The following SH3KBP1 variants were observed in gnomAD, a reference collection of about 807,000 sequenced individuals.
The protein encoded by SH3KBP1 is SH3 domain-containing kinase-binding protein 1.
SH3KBP1 carries 8 observed loss-of-function variants against 50.1 expected under a neutral mutation model. The observed-to-expected ratio is 0.16, with a 90% CI of 0.09 to 0.29. The LOEUF is 0.29. SH3KBP1 is among the 10% of genes least tolerant of loss of function. SH3KBP1 has a pLI of 1.00. For synonymous variants in SH3KBP1, 227 were observed against 218.6 expected (o/e 1.04, Z -0.34); for missense variants, 377 against 535.2 (o/e 0.70, Z 2.92).
intron 1 of SH3KBP1, among the ~76,000 whole-genome samples, chrX:19,874,616 G>A (rs2069184648): frequency 2.0e-5 from 2 of 102,205 alleles, no homozygotes; most frequent in Admixed American, 2.2e-4. Context: ...GGAGGGGTGA[G>A]GAAGAGAGAA....
intron 2 of SH3KBP1, among the ~76,000 whole-genome samples, chrX:19,783,560 C>A (rs1458847488): frequency 9.0e-6 from 1 of 111,313 alleles, no homozygotes; most frequent in Non-Finnish European, 1.9e-5. Flanking sequence ...CTCTCTGTAC[C>A]CTTCCCAACC....
At chrX:19,878,164 T>C (rs1433960934) in intron 1 of SH3KBP1, among the ~76,000 whole-genome samples, 3 of 111,929 alleles carry the variant, frequency 2.7e-5, no homozygotes, top group Non-Finnish European at 5.6e-5. Flanking sequence ...GAAAACCAAG[T>C]GCTCATGATC....
intron 5 of SH3KBP1, among the ~76,000 whole-genome samples, chrX:19,695,355 C>T (rs979712118): frequency 9.0e-6 from 1 of 111,504 alleles, no homozygotes; most frequent in African/African-American, 3.3e-5. Context: ...GCAACATGGG[C>T]CACCCATGAG....
chrX:19,586,348 A>C (rs1182191809), intron 12 of SH3KBP1, among the ~76,000 whole-genome samples: 1 of 112,537 alleles, frequency 8.9e-6, no homozygotes. Flanking sequence ...TTATAGAGCT[A>C]ACGGAAATGT....
intron 2 of SH3KBP1, among the ~76,000 whole-genome samples, chrX:19,791,910 T>G (rs1422255833): frequency 9.0e-6 from 1 of 111,692 alleles, no homozygotes; most frequent in East Asian, 2.8e-4. Flanking sequence ...ATCAATACAT[T>G]TCCGTAATTT....
chrX:19,615,161 C>A (rs1438062131), intron 8 of SH3KBP1, among the ~76,000 whole-genome samples: 1 of 112,591 alleles, frequency 8.9e-6, no homozygotes, highest in Non-Finnish European at 1.9e-5. Flanking sequence ...AAAAGGAAGG[C>A]TACATTTTCT....
intron 1 of SH3KBP1, among the ~76,000 whole-genome samples, chrX:19,881,041 C>T (rs2069417549): frequency 8.9e-6 from 1 of 112,091 alleles, no homozygotes; most frequent in African/African-American, 3.2e-5. Flanking sequence ...TTTCAAGCCA[C>T]TAGGTTCACA....
chrX:19,682,680 T>C (rs1315901223), intron 6 of SH3KBP1, among the ~76,000 whole-genome samples: 3 of 109,963 alleles, frequency 2.7e-5, no homozygotes, highest in Admixed American at 1.9e-4. Context: ...ACTTCAACAT[T>C]GAAAAAAAAA....
At chrX:19,675,435 C>T (rs1169848448) in intron 6 of SH3KBP1, among the ~76,000 whole-genome samples, 3 of 107,013 alleles carry the variant, frequency 2.8e-5, no homozygotes, top group Non-Finnish European at 3.9e-5. Flanking sequence ...TCCAGAGTCT[C>T]GCTCTGTCGC....
At chrX:19,661,758 C>T (rs2148485742) in intron 6 of SH3KBP1, among the ~76,000 whole-genome samples, 1 of 108,363 alleles carries the variant, frequency 9.2e-6, no homozygotes, top group Non-Finnish European at 1.9e-5. Flanking sequence ...TCCTGAGTAG[C>T]TGGGATTACA....
chrX:19,538,020 T>G (rs1261363094), intron 16 of SH3KBP1, among the ~76,000 whole-genome samples: 5 of 111,308 alleles, frequency 4.5e-5, no homozygotes, highest in African/African-American at 1.6e-4. Flanking sequence ...GGAAGTGACC[T>G]CTGAAATCCC....
rs1324562606 is a variant in SH3KBP1 at position 19,856,887 on chromosome X, T to C, written c.5-20605A>G. 2.9e-5 allele frequency among the ~76,000 whole-genome samples: 3 copies of C among 104,434 alleles called. No individual in the cohort carries two copies. In the East Asian group the frequency reaches 9.3e-4, roughly 32 times the overall value. The allele number at this position is 104,434 out of a possible 115,157, so 90.7% of individuals were successfully genotyped here. On this transcript the variant is annotated intron_variant, in intron 1 of 17. Coordinates refer to ENST00000397821, the MANE Select transcript of SH3KBP1 (RefSeq NM_031892.3). ...AAACATTACTAAAAGCCTAGCCACA[T>C]GGTACACTAAGATTATGTTTCTTTC...
chrX:19,758,922 C>T (rs1327258110), intron 2 of SH3KBP1, among the ~76,000 whole-genome samples: 3 of 111,638 alleles, frequency 2.7e-5, no homozygotes, highest in African/African-American at 9.8e-5. Context: ...ATTCTTTTAA[C>T]GGTGTGCCAA....
chrX:19,662,720 A>G (rs767252137), intron 6 of SH3KBP1, among the ~76,000 whole-genome samples: 51 of 111,358 alleles, frequency 4.6e-4, no homozygotes, highest in African/African-American at 1.7e-3. Context: ...TTAAAATTAT[A>G]CAGATTTCAC....
intron 3 of SH3KBP1, among the ~76,000 whole-genome samples, chrX:19,734,072 G>A (rs1450974688): frequency 8.9e-6 from 1 of 112,408 alleles, no homozygotes; most frequent in Non-Finnish European, 1.9e-5. Flanking sequence ...AATAGCCAAC[G>A]CAGTTACTGA....
At chrX:19,779,758 C>A (rs2066108247) in intron 2 of SH3KBP1, among the ~76,000 whole-genome samples, 1 of 105,774 alleles carries the variant, frequency 9.5e-6, no homozygotes, top group African/African-American at 3.5e-5. Flanking sequence ...GACATGAACT[C>A]ATCATTTTTT....
chrX:19,875,811 A>G (rs190579182), intron 1 of SH3KBP1, among the ~76,000 whole-genome samples: 152 of 112,547 alleles, frequency 1.4e-3, no homozygotes, highest in Non-Finnish European at 1.7e-3. Context: ...AGTCACACAG[A>G]AGAAAGGGGA....
intron 13 of SH3KBP1, among the ~76,000 whole-genome samples, chrX:19,563,286 C>T (rs376038346): frequency 3.4e-4 from 38 of 112,346 alleles, no homozygotes; most frequent in African/African-American, 1.2e-3. Flanking sequence ...GGACCATCTC[C>T]TGTAGGACTG....
At chrX:19,880,465 T>G (rs969190443) in intron 1 of SH3KBP1, among the ~76,000 whole-genome samples, 1 of 112,955 alleles carries the variant, frequency 8.9e-6, no homozygotes, top group African/African-American at 3.2e-5. Context: ...GTTGTATCAC[T>G]TTACATTGCA....
Sources: allele counts gnomAD v4.1 joint callset (sites outside exome capture counted in the v4.1 genomes callset), GRCh38; gene constraint gnomAD v4.1.1; transcripts MANE v1.5; gene names NCBI Gene and HGNC (gene_info 2026-07-23, HGNC 2026-07-21).